The following PACS2 variants were observed in gnomAD, a reference collection of about 807,000 sequenced individuals.
PACS2 encodes phosphofurin acidic cluster sorting protein 2.
PACS2 carries 36 observed loss-of-function variants against 113.0 expected under a neutral mutation model. That is an observed-to-expected ratio of 0.32 (90% CI 0.24 to 0.42). The LOEUF is 0.42. Among genes scored for constraint, PACS2 ranks in the 10% least tolerant of loss-of-function variants. The pLI, the probability that PACS2 is intolerant of heterozygous loss-of-function variation, is 1.00. For synonymous variants in PACS2, 589 were observed against 536.1 expected, an observed-to-expected ratio of 1.10 and a Z score of -1.36; for missense variants, 1,015 against 1,239.5, an observed-to-expected ratio of 0.82 and a Z score of 2.72.
intron 21 of PACS2, 55 bp downstream of exon 21, chr14:105,391,304 GC>G: frequency 7.4e-7 from 1 of 1,349,212 alleles, no homozygotes; most frequent in Non-Finnish European, 1.1e-6. Flanking sequence ...GGCTGCAGGA[GC>G]ACGGTCATTC....
intron 23 of PACS2, 79 bp from the exon 24 acceptor site, chr14:105,393,142 TC>T: frequency 9.3e-7 from 1 of 1,077,140 alleles, no homozygotes; most frequent in Admixed American, 1.8e-5. Context: ...CCCCAGTGCC[TC>T]CCCCACACGT....
At chr14:105,322,570 C>G (rs1034456050) in intron 1 of PACS2, among the ~76,000 whole-genome samples, 2 of 152,218 alleles carry the variant, frequency 1.3e-5, no homozygotes, top group African/African-American at 4.8e-5. Flanking sequence ...CCAGCCTACC[C>G]TGTACATTTT....
At chr14:105,353,152 C>A (rs587715858) in intron 3 of PACS2, among the ~76,000 whole-genome samples, 1 of 96,446 alleles carries the variant, frequency 1.0e-5, no homozygotes, top group African/African-American at 4.1e-5. Context: ...CCTGGGGAGA[C>A]GGGCACCCCC....
In PACS2 at chr14:105,379,763, C is replaced by T; in HGVS notation, c.984C>T (p.His328=). ...GGCCATACTTTGAAGGCCTGTCGCA[C>T]TCGAGCTCGCAGACGGAGATTGGGA... ...KLRPYFEGLS[H]SSSQTEIGSI... is the part of the protein sequence containing the mutation. The change falls in exon 10 of 25, where the codon CAC becomes CAT. Residue 328 remains histidine, a synonymous_variant. Transcript: ENST00000447393. 1.9e-6 allele frequency: 3 copies of T among 1,613,800 alleles called. No homozygotes were observed. Among genetic ancestry groups the T allele is most frequent in the Non-Finnish European group, 2.5e-6 (3 of 1,179,994 alleles).
At position 105,348,352 on chromosome 14, in the gene PACS2, T is replaced by A; in HGVS notation, c.120-141T>A. The A allele has an allele frequency of 1.6e-6, 1 of 613,976 alleles. No homozygotes were observed. The highest frequency in any genetic ancestry group is 2.8e-5 in the Admixed American group (1 of 35,512). 38.0% of individuals were successfully genotyped at this position (613,976 alleles called of 1,614,324 possible). A position where few individuals can be genotyped will look rare whatever the true frequency, so the allele number is the denominator to read the frequency against. On this transcript the variant is annotated intron_variant, in intron 1 of 24. Coordinates refer to ENST00000447393, the MANE Select transcript of PACS2 (RefSeq NM_001100913.3). The surrounding 1 kb of genome is among the most constrained non-coding windows in gnomAD (Gnocchi z 6.4). Reference sequence around the variant, plus strand: ...GGTGATGTCTTGGAGCCCTGTGAGGTCCTGGGGCCGCCCAGGCAGTCACAC... The same window carrying A: ...GGTGATGTCTTGGAGCCCTGTGAGGACCTGGGGCCGCCCAGGCAGTCACAC...
At chr14:105,377,292 A>T (rs1555410710) in intron 9 of PACS2, among the ~76,000 whole-genome samples, 1 of 151,598 alleles carries the variant, frequency 6.6e-6, no homozygotes, top group African/African-American at 2.4e-5. Context: ...TCAGGTGGGG[A>T]GTAGAGCTCC....
At position 105,397,489 on chromosome 14, in the gene PACS2, T is replaced by G. The variant is rs1463850386; in HGVS notation, c.*2817T>G. 1 of 152,254 alleles carries G rather than the reference T, an allele frequency of 6.6e-6. No individual in the cohort carries two copies. The highest frequency in any genetic ancestry group is 1.5e-5 in the Non-Finnish European group (1 of 68,114). The allele number at this position is 152,254 out of a possible 1,614,324, so 9.4% of individuals were successfully genotyped here. ...CCACCAGTCACCACCGAGGCACCCC[T>G]CAGGCCTGGTGGCCACTGTCCACTA... On this transcript the variant is annotated 3_prime_UTR_variant, in exon 25 of 25. Transcript: ENST00000447393.
rs1555412698 is a variant in PACS2 at position 105,383,462 on chromosome 14, C to T, written c.1729C>T (p.His577Tyr). ...ILRLFVEQLS[H>Y]KTPDWLGYMR... ...GCGGCTCTTTGTGGAGCAGCTGTCC[C>T]ACAAGACACCCGACTGGCTCGGCTA... The change falls in exon 16 of 25, where the codon CAC (histidine) becomes TAC (tyrosine). Residue 577 changes from histidine to tyrosine, a missense_variant. His to Tyr is a moderately conservative substitution (Grantham distance 83). Coordinates refer to ENST00000447393, the MANE Select transcript of PACS2 (RefSeq NM_001100913.3). The T allele has an allele frequency of 1.2e-6, 2 of 1,609,026 alleles. No homozygotes were observed. The highest frequency in any genetic ancestry group is 2.2e-5 in the South Asian group (2 of 91,014).
chr14:105,373,344 C>T (rs1215608297), intron 8 of PACS2, among the ~76,000 whole-genome samples: 1 of 152,180 alleles, frequency 6.6e-6, no homozygotes, highest in Non-Finnish European at 1.5e-5. Flanking sequence ...TAATCCTGAC[C>T]ATGTGGGGCT....
intron 8 of PACS2, chr14:105,374,811 A>G (rs2061288412): frequency 6.6e-6 from 1 of 152,214 alleles, no homozygotes; most frequent in Admixed American, 6.5e-5. Flanking sequence ...CACTAAGAGA[A>G]ACACACCTTG....
At position 105,340,544 on chromosome 14, in the gene PACS2, G is replaced by A. The variant is rs1555401378; in HGVS notation, c.120-7949G>A. Among the ~76,000 whole-genome samples the A allele has an allele frequency of 6.6e-6, 1 of 152,160 alleles. No homozygotes were observed. Among genetic ancestry groups the A allele is most frequent in the Non-Finnish European group, 1.5e-5 (1 of 68,032 alleles). ...GCAGCGTGCAGCCTGGATCCCTCGCGTGCACAGTTACAATAGGGTTCTTCC... is the reference window on the plus strand; with the variant it reads ...GCAGCGTGCAGCCTGGATCCCTCGCATGCACAGTTACAATAGGGTTCTTCC... On this transcript the variant is annotated intron_variant, in intron 1 of 24. Coordinates refer to ENST00000447393, the MANE Select transcript of PACS2 (RefSeq NM_001100913.3). The surrounding 1 kb of genome is among the most constrained non-coding windows in gnomAD (Gnocchi z 4.2).
At position 105,367,372 on chromosome 14, in the gene PACS2, A is replaced by C. The variant is rs374570964; in HGVS notation, c.583A>C (p.Thr195Pro). The change falls in exon 5 of 25, where the codon ACG becomes CCG. Residue 195 changes from threonine to proline, a missense_variant. Physicochemically the swap from Thr to Pro is conservative, Grantham distance 38. Around this residue, in one of 3 missense-constraint regions of PACS2, gnomAD observed 859 missense variants for 1,056.8 expected, o/e 0.81. Coordinates refer to ENST00000447393, the MANE Select transcript of PACS2 (RefSeq NM_001100913.3). ...TMQAGPKAKSTDNYSEEEYES... is the reference protein window; with the variant it reads ...TMQAGPKAKSPDNYSEEEYES... ...GCAGGCCGGCCCCAAGGCCAAGTCC[A>C]CGGGTGAGTGTGGTGCCAGCCCGCT... 1 of 1,612,866 alleles carries C rather than the reference A, an allele frequency of 6.2e-7. No individual in the cohort carries two copies. The highest frequency in any genetic ancestry group is 8.5e-7 in the Non-Finnish European group (1 of 1,179,844).
rs782035579 is a variant in PACS2 at position 105,367,208 on chromosome 14, T to C, written c.424-5T>C. The C allele has an allele frequency of 1.1e-5, 18 of 1,612,294 alleles. No individual in the cohort carries two copies. The highest frequency in any genetic ancestry group is 1.4e-5 in the Non-Finnish European group (16 of 1,179,532). Reference sequence around the variant, plus strand: ...GCTTTCTAGAACCGTGCCCCTGGCCTGCAGGTGATGCAACACCCGTCTGAA... The same window carrying C: ...GCTTTCTAGAACCGTGCCCCTGGCCCGCAGGTGATGCAACACCCGTCTGAA... On this transcript the variant is annotated splice_polypyrimidine_tract_variant and splice_region_variant and intron_variant, in intron 4 of 24. Coordinates refer to ENST00000447393, the MANE Select transcript of PACS2 (RefSeq NM_001100913.3).
At chr14:105,346,335 C>A (rs587719945) in intron 1 of PACS2, among the ~76,000 whole-genome samples, 1 of 152,028 alleles carries the variant, frequency 6.6e-6, no homozygotes, top group Admixed American at 6.5e-5. Flanking sequence ...TGGAACAGGC[C>A]GCCCTGTGCA....
In PACS2 at chr14:105,382,891, A is replaced by G. The variant is rs782187620; in HGVS notation, c.1603A>G (p.Ile535Val). 13 of 1,603,316 alleles carry G rather than the reference A, an allele frequency of 8.1e-6. No individual in the cohort carries two copies. Among genetic ancestry groups the G allele is most frequent in the South Asian group, 1.1e-5 (1 of 91,010 alleles). ...PADVQAAFST[I>V]VSRIQRYCNC... ...GGACGTCCAGGCGGCCTTCAGCACCATCGTCTCACGGATACAGAGATAGTG... is the reference window on the plus strand; with the variant it reads ...GGACGTCCAGGCGGCCTTCAGCACCGTCGTCTCACGGATACAGAGATAGTG... Residue 535 changes from isoleucine (I) to valine (V), a missense_variant, in exon 15 of 25, where the codon ATC becomes GTC. This residue lies in a region of PACS2 where 859 missense variants were observed against 1,056.8 expected (regional missense o/e 0.81). Coordinates refer to ENST00000447393, the MANE Select transcript of PACS2 (RefSeq NM_001100913.3).
chr14:105,357,216 G>A lies in PACS2; in HGVS notation c.423+2039G>A, dbSNP rs182166413. ...GGCCCCTCCCTCACCTGTCCTCCCAGCCTTGGGCTGTCCCCTCCTGATCCC... is the reference window on the plus strand; with the variant it reads ...GGCCCCTCCCTCACCTGTCCTCCCAACCTTGGGCTGTCCCCTCCTGATCCC... On this transcript the variant is annotated intron_variant, in intron 4 of 24. Transcript: ENST00000447393. This position sits in a 1 kb window ranked among gnomAD's most constrained non-coding sequence, Gnocchi z 5.1. 1.4e-4 allele frequency among the ~76,000 whole-genome samples: 21 copies of A among 152,212 alleles called. No homozygotes were observed. Among genetic ancestry groups the A allele is most frequent in the Non-Finnish European group, 2.4e-4 (16 of 68,002 alleles).
chr14:105,368,608 G>T (rs782354768), intron 7 of PACS2, 69 bp downstream of exon 7: 26 of 1,208,680 alleles, frequency 2.2e-5, no homozygotes, highest in Admixed American at 1.7e-4. Flanking sequence ...GAGCCTGGGC[G>T]TGGGGGGGAC....
Position 105,317,219 on chromosome 14 carries a change from G to C in PACS2, c.119+2182G>C, listed in dbSNP as rs751956731. ...ACTGGCGTGACAGTACCTCGGCTTT[G>C]CTTCTGTCAAGGGACCTTGGCTTGT... On this transcript the variant is annotated intron_variant, in intron 1 of 24. Coordinates refer to ENST00000447393, the MANE Select transcript of PACS2 (RefSeq NM_001100913.3). The surrounding 1 kb of genome is among the most constrained non-coding windows in gnomAD (Gnocchi z 4.2). Among the ~76,000 whole-genome samples, 2 of 152,222 alleles carry C rather than the reference G, an allele frequency of 1.3e-5. No homozygotes were observed. Among genetic ancestry groups the C allele is most frequent in the Non-Finnish European group, 2.9e-5 (2 of 68,048 alleles).
At chr14:105,375,090 G>A (rs1158662753) in intron 8 of PACS2, 1 of 152,308 alleles carries the variant, frequency 6.6e-6, no homozygotes, top group Admixed American at 6.5e-5. Context: ...GGAGGTCGAG[G>A]CTGCAGTGAA....
Sources: gnomAD v4.1 joint callset for allele counts (sites outside exome capture counted in the v4.1 genomes callset) on GRCh38, gnomAD v4.1.1 for gene constraint, gnomAD v4.1.1 regional missense constraint, Gnocchi (gnomAD v3.1) non-coding constraint, MANE v1.5 for transcripts, NCBI Gene and HGNC (gene_info 2026-07-23, HGNC 2026-07-21) for gene names.